RNF135: variants seen among roughly 807,000 people sequenced by gnomAD.
The protein encoded by RNF135 is E3 ubiquitin-protein ligase RNF135.
RNF135 carries 46 observed loss-of-function variants against 41.9 expected under a neutral mutation model. The ratio of observed to expected loss-of-function variants is 1.10; its 90% CI spans 0.87 to 1.40. The LOEUF (loss-of-function observed/expected upper bound fraction) is 1.40. Among genes scored for constraint, RNF135 ranks in the 40% most tolerant of loss-of-function variants. The pLI is 0.00. For synonymous variants in RNF135, 238 were observed against 223.8 expected, an observed-to-expected ratio of 1.06 and a Z score of -0.57; for missense variants, 539 against 549.8, an observed-to-expected ratio of 0.98 and a Z score of 0.20.
At chr17:30,969,759 C>CTTTTTTTTTTTTTTTTTTTTTTTT (rs757330088), upstream of RNF135, among the ~76,000 whole-genome samples, 7 of 122,614 alleles carry the variant, frequency 5.7e-5, no homozygotes, top group Non-Finnish European at 1.1e-4. Flanking sequence ...TCTTTTTTTT[C>CTTTTTTTTTTTTTTTTTTTTTTTT]TTTTTTTTTT....
intron 1 of RNF135, among the ~76,000 whole-genome samples, chr17:30,974,159 G>C (rs145559213): frequency 6.6e-6 from 1 of 152,290 alleles, no homozygotes; most frequent in Non-Finnish European, 1.5e-5. Context: ...AGCCGTGATT[G>C]TACCACTGCA....
chr17:30,969,977 A>C (rs1195931262), upstream of RNF135, among the ~76,000 whole-genome samples: 3 of 151,868 alleles, frequency 2.0e-5, no homozygotes, highest in Admixed American at 6.6e-5. Context: ...AGGGTTCACC[A>C]TGTTGGCCAG....
At chr17:30,971,767 A>G in intron 1 of RNF135, 1 of 1,150,282 alleles carries the variant, frequency 8.7e-7, no homozygotes, top group Non-Finnish European at 1.1e-6. Flanking sequence ...TATAACATTA[A>G]AACTGGCCAT....
At chr17:30,982,897 T>C (rs1441662336) in intron 1 of RNF135, among the ~76,000 whole-genome samples, 1 of 152,216 alleles carries the variant, frequency 6.6e-6, no homozygotes, top group African/African-American at 2.4e-5. Context: ...AGTGGAATTC[T>C]AGGAGGACAT....
At position 30,984,731 on chromosome 17, in the gene RNF135, C is replaced by G. The variant is rs776113115; in HGVS notation, c.487C>G (p.Pro163Ala). Residue 163 changes from proline (P) to alanine (A), a missense_variant, in exon 2 of 5, where the codon CCA becomes GCA. Coordinates refer to ENST00000328381, the MANE Select transcript of RNF135 (RefSeq NM_032322.4). ...QNQRPLSESG[P>A]DNELSILGKA... ...TCAGAGGCCCCTATCAGAATCTGGA[C>G]CAGACAACGAACTGAGCATCCTGGG... 6.2e-7 allele frequency: 1 copy of G among 1,614,082 alleles called. No individual in the cohort carries two copies. The highest frequency in any genetic ancestry group is 8.5e-7 in the Non-Finnish European group (1 of 1,180,026).
intron 1 of RNF135, among the ~76,000 whole-genome samples, chr17:30,983,186 C>T (rs1160255828): frequency 6.6e-6 from 1 of 151,218 alleles, no homozygotes; most frequent in Non-Finnish European, 1.5e-5. Flanking sequence ...TGGGTTGCTT[C>T]CATGTTTTAG....
chr17:30,985,900 G>T (rs1407529250), intron 2 of RNF135, among the ~76,000 whole-genome samples: 1 of 152,174 alleles, frequency 6.6e-6, no homozygotes, highest in Non-Finnish European at 1.5e-5. Flanking sequence ...AGTCGCTCTA[G>T]TGTGTCTCAC....
chr17:30,970,957 G>A (rs1300155486), upstream of RNF135: 16 of 1,407,690 alleles, frequency 1.1e-5, no homozygotes, highest in East Asian at 2.8e-4. Context: ...CAAGGAAGGA[G>A]GAGAAAAGGC....
chr17:30,979,956 C>A (rs1906920707), intron 1 of RNF135, among the ~76,000 whole-genome samples: 1 of 109,490 alleles, frequency 9.1e-6, no homozygotes, highest in Non-Finnish European at 1.9e-5. Flanking sequence ...CCCCTCACCT[C>A]CCGGACGGGG....
rs114027723 is a variant in RNF135 at position 30,994,405 on chromosome 17, A to G, written c.680-2837A>G. On this transcript the variant is annotated intron_variant, in intron 3 of 4. Transcript: ENST00000328381. ...CCAAAAATACAAAAACTAGCCTGCT[A>G]TGGTGGCACACACCTGTAGTCCCAG... is the stretch of plus-strand genomic sequence containing the variant. 4.4e-3 allele frequency among the ~76,000 whole-genome samples: 667 copies of G among 151,692 alleles called. 4 individuals are homozygous for G. Among genetic ancestry groups the G allele is most frequent in the African/African-American group, 0.016 (644 of 41,410 alleles).
At chr17:30,995,551 ACT>A (rs1215069586) in intron 3 of RNF135, among the ~76,000 whole-genome samples, 1 of 151,502 alleles carries the variant, frequency 6.6e-6, no homozygotes. Flanking sequence ...CAGAATTGAA[ACT>A]CTATACCCAT....
chr17:30,971,516 C>T, intron 1 of RNF135, 71 bp downstream of exon 1: 2 of 1,406,138 alleles, frequency 1.4e-6, no homozygotes, highest in Non-Finnish European at 1.8e-6. Flanking sequence ...TCCCATGTGG[C>T]TCGAACCCCT....
Position 30,971,325 on chromosome 17 carries a change from G to A in RNF135, c.252G>A (p.Lys84=). The change falls in exon 1 of 5, where the codon AAG becomes AAA. Residue 84 remains lysine, a synonymous_variant. Transcript: ENST00000328381. ...KNTLLQDLAD[K]YRRAAREIQA... is the part of the protein sequence containing the mutation. ...CGCTACTGCAGGACCTGGCCGACAA[G>A]TACCGCCGCGCCGCACGCGAGATAC... 1 of 1,533,752 alleles carries A rather than the reference G, an allele frequency of 6.5e-7. No homozygotes were observed.
chr17:30,986,519 A>G (rs1423437515), intron 2 of RNF135, among the ~76,000 whole-genome samples: 1 of 152,082 alleles, frequency 6.6e-6, no homozygotes, highest in Non-Finnish European at 1.5e-5. Context: ...TTTGTCCACC[A>G]TTGTGTCCCC....
chr17:30,986,342 G>A (rs1415418692), intron 2 of RNF135, among the ~76,000 whole-genome samples: 1 of 151,972 alleles, frequency 6.6e-6, no homozygotes, highest in Non-Finnish European at 1.5e-5. Flanking sequence ...GACTACAGGT[G>A]TCCGCCACCA....
chr17:30,975,284 C>T (rs1688265705), intron 1 of RNF135: 2 of 584,296 alleles, frequency 3.4e-6, no homozygotes, highest in Admixed American at 5.7e-5. Context: ...TTTCATGTCA[C>T]TGCACTCCAG....
At chr17:30,960,406 AAAAG>A in the RNF135 span, among the ~76,000 whole-genome samples, 1 of 151,084 alleles carries the variant, frequency 6.6e-6, no homozygotes, top group Admixed American at 6.6e-5. Flanking sequence ...AAGAAAAAGA[AAAAG>A]AAAAAAAAAA....
chr17:30,977,816 G>T (rs554055635), intron 1 of RNF135, among the ~76,000 whole-genome samples: 1 of 152,134 alleles, frequency 6.6e-6, no homozygotes, highest in South Asian at 2.1e-4. Context: ...TGATCCACCC[G>T]CCGTGGCCTC....
chr17:30,995,913 C>A (rs914515896), intron 3 of RNF135, among the ~76,000 whole-genome samples: 1 of 151,402 alleles, frequency 6.6e-6, no homozygotes, highest in Non-Finnish European at 1.5e-5. Flanking sequence ...TGTGCTACCA[C>A]CCCTGACTAG....
Sources: allele counts gnomAD v4.1 joint callset (sites outside exome capture counted in the v4.1 genomes callset), GRCh38; gene constraint gnomAD v4.1.1; transcripts MANE v1.5; gene names NCBI Gene and HGNC (gene_info 2026-07-23, HGNC 2026-07-21).